The following SDK1 variants were observed in gnomAD, a reference collection of about 807,000 sequenced individuals.
SDK1 encodes the protein protein sidekick-1.
In SDK1, 157 loss-of-function variants were observed where a neutral mutation model predicts 245.5. That is an observed-to-expected ratio of 0.64 (90% CI 0.56 to 0.73). The LOEUF (loss-of-function observed/expected upper bound fraction) is 0.73. SDK1 is among the 30% of genes least tolerant of loss of function. SDK1 has a pLI of 0.00. For synonymous variants in SDK1, 1,647 were observed against 1,278.5 expected (o/e 1.29, Z -6.15); for missense variants, 3,583 against 3,002.3 (o/e 1.19, Z -4.52).
chr7:3,915,500 C>T (rs1023399591), intron 5 of SDK1, among the ~76,000 whole-genome samples: 5 of 152,152 alleles, frequency 3.3e-5, no homozygotes, highest in South Asian at 4.1e-4. Flanking sequence ...TTTCCCCTTT[C>T]GCTTGGCCCT....
At chr7:3,819,981 C>G (rs903558866) in intron 4 of SDK1, among the ~76,000 whole-genome samples, 8 of 152,044 alleles carry the variant, frequency 5.3e-5, no homozygotes, top group Admixed American at 5.2e-4. Context: ...TAACTATTCC[C>G]TATAGAGTAC....
intron 1 of SDK1, among the ~76,000 whole-genome samples, chr7:3,481,606 A>T (rs1781525349): frequency 6.6e-6 from 1 of 152,140 alleles, no homozygotes. Flanking sequence ...TCCTTCCCAC[A>T]TACAAGCCCT....
At chr7:3,473,384 C>G (rs571863727) in intron 1 of SDK1, among the ~76,000 whole-genome samples, 2 of 152,294 alleles carry the variant, frequency 1.3e-5, no homozygotes, top group East Asian at 3.9e-4. Context: ...TGGCTTGTAC[C>G]TTTTAAAATA....
chr7:3,631,403 C>T (rs1437886106), intron 2 of SDK1, among the ~76,000 whole-genome samples: 1 of 152,208 alleles, frequency 6.6e-6, no homozygotes, highest in Non-Finnish European at 1.5e-5. Flanking sequence ...GGCTTAATTT[C>T]TCTAGTTGTC....
At chr7:4,220,337 A>G (rs1562449561) in intron 39 of SDK1, 67 bp downstream of exon 39, 7 of 1,521,438 alleles carry the variant, frequency 4.6e-6, no homozygotes, top group Non-Finnish European at 6.3e-6. Flanking sequence ...TGCTTCACTG[A>G]GCTGAGATCC....
chr7:4,145,248 A>T (rs1779879914), intron 28 of SDK1, among the ~76,000 whole-genome samples: 1 of 152,078 alleles, frequency 6.6e-6, no homozygotes, highest in Admixed American at 6.5e-5. Flanking sequence ...GCAGACAGGG[A>T]AGACAAAGGA....
intron 4 of SDK1, among the ~76,000 whole-genome samples, chr7:3,645,404 C>A (rs939902074): frequency 6.6e-6 from 1 of 152,160 alleles, no homozygotes; most frequent in Non-Finnish European, 1.5e-5. Flanking sequence ...CTCATCATCA[C>A]CCCAAGTCTA....
chr7:3,748,920 G>A (rs1404877251), intron 4 of SDK1, among the ~76,000 whole-genome samples: 1 of 152,042 alleles, frequency 6.6e-6, no homozygotes, highest in Non-Finnish European at 1.5e-5. Context: ...TGTTCTACAG[G>A]AATTCATTGA....
chr7:3,920,904 C>T (rs1779562923), intron 5 of SDK1, among the ~76,000 whole-genome samples: 1 of 152,188 alleles, frequency 6.6e-6, no homozygotes, highest in South Asian at 2.1e-4. Context: ...AGCCCCTTCT[C>T]TGTGCCAGGA....
rs34376723 is a variant in SDK1 at position 3,797,458 on chromosome 7, TACACACACACACACAC to T, written c.714-23970_714-23955del. ...TGTACATGTACAAGAGGGGTGTGTA[TACACACACACACACAC>T]ACACACACACACACACACACAGTTT... On this transcript the variant is annotated intron_variant, in intron 4 of 44. Transcript: ENST00000404826. Among the ~76,000 whole-genome samples, 253 of 147,596 alleles carry T rather than the reference TACACACACACACACAC, an allele frequency of 1.7e-3. 1 individual carries two copies. The highest frequency in any genetic ancestry group is 2.8e-3 in the Non-Finnish European group (190 of 66,878).
intron 22 of SDK1, among the ~76,000 whole-genome samples, chr7:4,098,067 T>C (rs1584121226): frequency 6.6e-6 from 1 of 152,210 alleles, no homozygotes; most frequent in East Asian, 1.9e-4. Context: ...CGACTGTCCA[T>C]AATAACACCC....
At chr7:3,719,381 C>G (rs960797329) in intron 4 of SDK1, among the ~76,000 whole-genome samples, 2 of 151,770 alleles carry the variant, frequency 1.3e-5, no homozygotes, top group African/African-American at 4.8e-5. Context: ...TCATTGTTTC[C>G]AGTGTTAACG....
rs1000359496 is a variant in SDK1 at position 3,830,574 on chromosome 7, C to G, written c.847+8991C>G. ...GCAGTGGCACATTCATGGCTCACCA[C>G]AGTCTCAACCTCCTGGGCTCAAGCG... On this transcript the variant is annotated intron_variant, in intron 5 of 44. Coordinates refer to ENST00000404826, the MANE Select transcript of SDK1 (RefSeq NM_152744.4). 3.3e-5 allele frequency among the ~76,000 whole-genome samples: 5 copies of G among 152,164 alleles called. No homozygotes were observed. The East Asian group carries it at 9.6e-4, about 29-fold the overall frequency.
At chr7:3,918,683 C>T (rs544121131) in intron 5 of SDK1, among the ~76,000 whole-genome samples, 1 of 152,212 alleles carries the variant, frequency 6.6e-6, no homozygotes, top group Non-Finnish European at 1.5e-5. Context: ...AAACTGTCTT[C>T]TGTGAAACCA....
At chr7:3,988,838 C>G (rs772177848) in intron 14 of SDK1, among the ~76,000 whole-genome samples, 1 of 152,178 alleles carries the variant, frequency 6.6e-6, no homozygotes, top group African/African-American at 2.4e-5. Context: ...GTGGCATGAT[C>G]TCGGCTCACT....
chr7:3,370,344 C>G (rs1042536848), intron 1 of SDK1, among the ~76,000 whole-genome samples: 4 of 152,170 alleles, frequency 2.6e-5, no homozygotes, highest in African/African-American at 9.7e-5. Flanking sequence ...ATGTTAACCC[C>G]TGAGGGAGAG....
chr7:3,743,706 C>A (rs986264825), intron 4 of SDK1, among the ~76,000 whole-genome samples: 1 of 151,882 alleles, frequency 6.6e-6, no homozygotes, highest in Non-Finnish European at 1.5e-5. Flanking sequence ...AAGTAGATGT[C>A]GGAGGAGGAG....
chr7:4,078,906 G>C (rs1275863197), intron 21 of SDK1, among the ~76,000 whole-genome samples: 1 of 152,148 alleles, frequency 6.6e-6, no homozygotes, highest in South Asian at 2.1e-4. Context: ...TGTTCGTCTT[G>C]GAAACGAAAT....
chr7:3,327,959 A>G (rs1361251570), intron 1 of SDK1, among the ~76,000 whole-genome samples: 1 of 152,084 alleles, frequency 6.6e-6, no homozygotes, highest in African/African-American at 2.4e-5. Context: ...CCCTATCACT[A>G]TGCATGTGTA....
Sources: allele counts gnomAD v4.1 joint callset (sites outside exome capture counted in the v4.1 genomes callset), GRCh38; gene constraint gnomAD v4.1.1; transcripts MANE v1.5; gene names NCBI Gene and HGNC (gene_info 2026-07-23, HGNC 2026-07-21).